Variants in KLHL32 observed in about 807,000 individuals in gnomAD.
The protein encoded by KLHL32 is kelch-like protein 32.
A neutral mutation model predicts 64.8 loss-of-function variants in KLHL32; 35 were observed. The observed-to-expected ratio is 0.54, with a 90% confidence interval of 0.41 to 0.72. The LOEUF (loss-of-function observed/expected upper bound fraction) is 0.72. KLHL32 is among the 30% of genes least tolerant of loss of function. The pLI, the probability that KLHL32 is intolerant of heterozygous loss-of-function variation, is 0.00. For missense variants in KLHL32, 589 were observed against 768.5 expected (o/e 0.77, Z 2.76); for synonymous variants, 259 against 281.0 (o/e 0.92, Z 0.78).
At chr6:97,125,599 G>A (rs929798346) in intron 7 of KLHL32, among the ~76,000 whole-genome samples, 5 of 152,188 alleles carry the variant, frequency 3.3e-5, no homozygotes, top group African/African-American at 1.2e-4. Context: ...ATTAATGGAT[G>A]TGTTGTACCC....
intron 3 of KLHL32, among the ~76,000 whole-genome samples, chr6:96,996,587 G>A (rs1027557311): frequency 1.3e-5 from 2 of 152,156 alleles, no homozygotes; most frequent in Non-Finnish European, 2.9e-5. Flanking sequence ...GCAGGAGTTA[G>A]AAACAAGTGA....
chr6:97,128,057 C>T (rs1799058727), intron 8 of KLHL32, among the ~76,000 whole-genome samples: 1 of 152,108 alleles, frequency 6.6e-6, no homozygotes, highest in South Asian at 2.1e-4. Flanking sequence ...TTGGCAATTG[C>T]CTGCTGAATT....
At chr6:96,966,255 G>A (rs1253965181) in intron 1 of KLHL32, among the ~76,000 whole-genome samples, 2 of 152,206 alleles carry the variant, frequency 1.3e-5, no homozygotes, top group Non-Finnish European at 2.9e-5. Flanking sequence ...GTTGTAAAGT[G>A]TAGTCATGGA....
chr6:97,051,210 C>T (rs780720154), intron 4 of KLHL32, among the ~76,000 whole-genome samples: 1 of 152,006 alleles, frequency 6.6e-6, no homozygotes, highest in Non-Finnish European at 1.5e-5. Context: ...GAGTGTGGCC[C>T]CTTCTGTGTT....
chr6:97,063,117 C>G (rs1346916677), intron 4 of KLHL32, among the ~76,000 whole-genome samples: 2 of 152,074 alleles, frequency 1.3e-5, no homozygotes, highest in African/African-American at 2.4e-5. Context: ...TTTAAAGAAC[C>G]AGTCTGGTTG....
At chr6:97,093,236 C>G (rs952736486) in intron 6 of KLHL32, among the ~76,000 whole-genome samples, 4 of 152,148 alleles carry the variant, frequency 2.6e-5, no homozygotes, top group African/African-American at 9.7e-5. Flanking sequence ...CTGAGGCTAG[C>G]GTAGAAGTCC....
In KLHL32 at chr6:96,980,611, C is replaced by A. The variant is rs115186128; in HGVS notation, c.204+4434C>A. ...CATTTATGTTCATCAAGGATACTGG[C>A]CTGAATTTTCTTTTTTTGTTGTGTC... On this transcript the variant is annotated intron_variant, in intron 3 of 10. Coordinates refer to ENST00000369261, the MANE Select transcript of KLHL32 (RefSeq NM_052904.4). Among the ~76,000 whole-genome samples, 1,381 of 152,078 alleles carry A rather than the reference C, an allele frequency of 9.1e-3. 29 individuals carry two copies. Among genetic ancestry groups the A allele is most frequent in the African/African-American group, 0.032 (1,325 of 41,490 alleles).
At chr6:96,975,187 T>C (rs964293372) in intron 2 of KLHL32, among the ~76,000 whole-genome samples, 2 of 152,158 alleles carry the variant, frequency 1.3e-5, no homozygotes, top group Admixed American at 6.5e-5. Context: ...GGATAAATGT[T>C]TTAGGTTGGG....
intron 3 of KLHL32, among the ~76,000 whole-genome samples, chr6:96,997,113 G>C (rs1477104447): frequency 6.6e-6 from 1 of 152,100 alleles, no homozygotes; most frequent in Non-Finnish European, 1.5e-5. Context: ...CTTGAGGTCT[G>C]GAGAGTGTTG....
At chr6:96,984,275 T>A (rs1776722243) in intron 3 of KLHL32, among the ~76,000 whole-genome samples, 1 of 152,208 alleles carries the variant, frequency 6.6e-6, no homozygotes, top group South Asian at 2.1e-4. Context: ...TCTTTTACAT[T>A]TGCTGAGGAG....
chr6:96,938,566 C>G (rs1451451352), intron 1 of KLHL32, among the ~76,000 whole-genome samples: 1 of 152,168 alleles, frequency 6.6e-6, no homozygotes, highest in Non-Finnish European at 1.5e-5. Context: ...ACACTGTTCA[C>G]CAGCCACTGG....
intron 4 of KLHL32, among the ~76,000 whole-genome samples, chr6:97,042,692 A>G (rs1030301657): frequency 1.3e-5 from 2 of 152,160 alleles, no homozygotes; most frequent in Non-Finnish European, 2.9e-5. Flanking sequence ...ATGCATTATT[A>G]TTTATTATAG....
chr6:96,964,868 C>T (rs1270347759), intron 1 of KLHL32, among the ~76,000 whole-genome samples: 1 of 152,064 alleles, frequency 6.6e-6, no homozygotes, highest in Non-Finnish European at 1.5e-5. Context: ...ATAATTTCAA[C>T]TTTTATTTTG....
At chr6:97,073,141 A>C (rs879919814) in intron 5 of KLHL32, among the ~76,000 whole-genome samples, 4 of 152,060 alleles carry the variant, frequency 2.6e-5, no homozygotes, top group Non-Finnish European at 4.4e-5. Context: ...CCTCCTACCC[A>C]ATCCCCTCAC....
At chr6:97,081,698 A>G (rs1242243997) in intron 5 of KLHL32, among the ~76,000 whole-genome samples, 1 of 152,222 alleles carries the variant, frequency 6.6e-6, no homozygotes, top group Non-Finnish European at 1.5e-5. Context: ...GGACACTCAT[A>G]GTCCTATATT....
At chr6:97,109,658 G>A (rs2128206270) in intron 6 of KLHL32, among the ~76,000 whole-genome samples, 1 of 152,324 alleles carries the variant, frequency 6.6e-6, no homozygotes, top group Middle Eastern at 3.4e-3. Flanking sequence ...GTTCAGAGAT[G>A]GGCCAGAAGA....
At chr6:96,945,309 T>G (rs990219584) in intron 1 of KLHL32, among the ~76,000 whole-genome samples, 2 of 152,220 alleles carry the variant, frequency 1.3e-5, no homozygotes, top group Admixed American at 1.3e-4. Flanking sequence ...AAACCATGCT[T>G]CTTTTGAAGA....
In KLHL32 at chr6:97,041,512, G is replaced by C. The variant is rs374444006; in HGVS notation, c.225G>C (p.Met75Ile). 5 of 1,613,186 alleles carry C rather than the reference G, an allele frequency of 3.1e-6. No individual in the cohort carries two copies. The African/African-American group carries it at 6.7e-5, about 22-fold the overall frequency. Residue 75 changes from methionine to isoleucine, a missense_variant, in exon 4 of 11, where the codon ATG (methionine) becomes ATC (isoleucine). Met to Ile is a conservative substitution (Grantham distance 10). Transcript: ENST00000369261. ...DYFRAMFSLC[M>I]VESGADEVNL... ...CTCAGGCAATGTTCAGTCTTTGTATGGTGGAAAGTGGAGCTGATGAGGTTA... is the reference window on the plus strand; with the variant it reads ...CTCAGGCAATGTTCAGTCTTTGTATCGTGGAAAGTGGAGCTGATGAGGTTA...
At chr6:97,045,660 C>T (rs1046113908) in intron 4 of KLHL32, among the ~76,000 whole-genome samples, 4 of 152,112 alleles carry the variant, frequency 2.6e-5, no homozygotes, top group African/African-American at 9.7e-5. Flanking sequence ...ATGTGGCTGC[C>T]TTATTGCTTG....
Sources: allele counts gnomAD v4.1 joint callset (sites outside exome capture counted in the v4.1 genomes callset), GRCh38; gene constraint gnomAD v4.1.1; transcripts MANE v1.5; gene names NCBI Gene and HGNC (gene_info 2026-07-23, HGNC 2026-07-21).